SPTBN1: variants seen among roughly 807,000 people sequenced by gnomAD.
SPTBN1 encodes spectrin beta, non-erythrocytic 1.
Under a neutral mutation model 266.4 loss-of-function variants are expected in SPTBN1, and 32 were observed. The ratio of observed to expected loss-of-function variants is 0.12; its 90% CI spans 0.09 to 0.16. SPTBN1 has a LOEUF of 0.16. Among genes scored for constraint, SPTBN1 ranks in the 10% least tolerant of loss-of-function variants. The pLI is 1.00. For missense variants in SPTBN1, 2,296 were observed against 3,067.1 expected (o/e 0.75, Z 5.94); for synonymous variants, 1,336 against 1,162.2 (o/e 1.15, Z -3.04).
At chr2:54,463,634 G>T (rs1255659625) in intron 1 of SPTBN1, among the ~76,000 whole-genome samples, 1 of 152,166 alleles carries the variant, frequency 6.6e-6, no homozygotes, top group East Asian at 1.9e-4. Flanking sequence ...AGCCAAATGA[G>T]GTAATTCAGC....
chr2:54,581,896 G>A (rs552031119), intron 2 of SPTBN1, among the ~76,000 whole-genome samples: 21 of 151,998 alleles, frequency 1.4e-4, no homozygotes, highest in Non-Finnish European at 2.1e-4. Context: ...GGCTCTACTT[G>A]CCTCCAAATC....
chr2:54,504,098 A>G (rs183741680), intron 1 of SPTBN1, among the ~76,000 whole-genome samples: 1 of 152,208 alleles, frequency 6.6e-6, no homozygotes, highest in Non-Finnish European at 1.5e-5. Flanking sequence ...GACTTGTTCA[A>G]ATCTCCGTTA....
chr2:54,572,055 T>C (rs1471409655), intron 2 of SPTBN1, among the ~76,000 whole-genome samples: 2 of 149,914 alleles, frequency 1.3e-5, no homozygotes, highest in Non-Finnish European at 3.0e-5. Context: ...GGAACTCTTG[T>C]GGTTGGACTC....
In SPTBN1 at chr2:54,557,747, C is replaced by CA. The variant is rs1055987692; in HGVS notation, c.148+31181_148+31182insA. 3.6e-5 allele frequency: 35 copies of CA among 985,276 alleles called. No homozygotes were observed. The African/African-American group carries it at 6.1e-4, about 17-fold the overall frequency. The allele number at this position is 985,276 out of a possible 1,614,324, so 61.0% of individuals were successfully genotyped here. ...TTGCGTCGAATTCCTATCATAGGCC[C>CA]GTGTTATTCCAGGAAACCACCGCCT... On this transcript the variant is annotated intron_variant, in intron 2 of 35. Coordinates refer to ENST00000356805, the MANE Select transcript of SPTBN1 (RefSeq NM_003128.3).
chr2:54,606,980 A>G (rs1573516523), intron 3 of SPTBN1, among the ~76,000 whole-genome samples: 2 of 152,204 alleles, frequency 1.3e-5, no homozygotes, highest in East Asian at 3.8e-4. Flanking sequence ...TTTTGATGCA[A>G]CCTGGCATTG....
At chr2:54,661,654 A>G (rs1460995076) in intron 32 of SPTBN1, 7 of 985,858 alleles carry the variant, frequency 7.1e-6, no homozygotes, top group Non-Finnish European at 8.4e-6. Context: ...GTCTTTGGTC[A>G]TTAGGGAGCT....
chr2:54,534,674 T>C (rs953050164), intron 2 of SPTBN1, among the ~76,000 whole-genome samples: 1 of 152,226 alleles, frequency 6.6e-6, no homozygotes, highest in Admixed American at 6.5e-5. Context: ...ACCCAGTTTC[T>C]CCCCTGCTTC....
In SPTBN1 at chr2:54,631,128, C is replaced by T. The variant is rs371869326; in HGVS notation, c.3081C>T (p.Pro1027=). The T allele has an allele frequency of 8.1e-6, 13 of 1,614,090 alleles. No homozygotes were observed. The highest frequency in any genetic ancestry group is 6.7e-5 in the African/African-American group (5 of 74,942). ...KEAEKLESEH[P]DQAQAILSRL... ...CGGAGAAGCTGGAGTCCGAGCACCCCGACCAGGCCCAGGCCATCCTGTCTC... is the reference window on the plus strand; with the variant it reads ...CGGAGAAGCTGGAGTCCGAGCACCCTGACCAGGCCCAGGCCATCCTGTCTC... The change falls in exon 16 of 36, where the codon CCC becomes CCT. Residue 1027 remains proline, a synonymous_variant. Transcript: ENST00000356805.
rs1678625440 is a variant in SPTBN1, at chr2:54,629,986, A to G, written c.2764A>G (p.Ser922Gly). 1.2e-5 allele frequency: 19 copies of G among 1,614,024 alleles called. No homozygotes were observed. The highest frequency in any genetic ancestry group is 1.6e-5 in the Non-Finnish European group (19 of 1,180,032). The change falls in exon 15 of 36, where the codon AGT becomes GGT. Residue 922 changes from serine (S) to glycine (G), a missense_variant. By Grantham distance (56) the Ser-to-Gly change is moderately conservative (BLOSUM62 0). This residue lies in a region of SPTBN1 where 128 missense variants were observed against 176.5 expected (regional missense o/e 0.73). Transcript: ENST00000356805. ...CCAGCTGATGCACAGCGGCCACCCA[A>G]GTGAGAAGGAAATCAAAGCCCAGCA... ...ARQLMHSGHP[S>G]EKEIKAQQDK...
intron 2 of SPTBN1, among the ~76,000 whole-genome samples, chr2:54,548,463 T>C (rs1319629174): frequency 6.6e-6 from 1 of 152,194 alleles, no homozygotes; most frequent in Non-Finnish European, 1.5e-5. Context: ...GACAGGCCTT[T>C]TGGCTCCACC....
At chr2:54,537,149 T>C (rs905088994) in intron 2 of SPTBN1, among the ~76,000 whole-genome samples, 3 of 152,246 alleles carry the variant, frequency 2.0e-5, no homozygotes, top group East Asian at 1.9e-4. Flanking sequence ...ATATTTCCGA[T>C]GGGCCATGCG....
At chr2:54,563,150 A>G (rs1233399926) in intron 2 of SPTBN1, among the ~76,000 whole-genome samples, 1 of 152,150 alleles carries the variant, frequency 6.6e-6, no homozygotes, top group Non-Finnish European at 1.5e-5. Flanking sequence ...ATTTATATAT[A>G]TATTTTCTTT....
Position 54,659,928 on chromosome 2 carries a change from C to G in SPTBN1, c.6357-8C>G, listed in dbSNP as rs777806723. 4 of 1,613,498 alleles carry G rather than the reference C, an allele frequency of 2.5e-6. No individual in the cohort carries two copies. Among genetic ancestry groups the G allele is most frequent in the Admixed American group, 1.7e-5 (1 of 60,008 alleles). ...TTCCCTTCCTCCTTTTCCCCTCTTC[C>G]CTAACAGGGATACTTCAAAAGGAGA... On this transcript the variant is annotated splice_region_variant and splice_polypyrimidine_tract_variant and intron_variant, in intron 31 of 35. Coordinates refer to ENST00000356805, the MANE Select transcript of SPTBN1 (RefSeq NM_003128.3).
At position 54,629,540 on chromosome 2, in the gene SPTBN1, G is replaced by A. The variant is rs147294273; in HGVS notation, c.2406G>A (p.Thr802=). Residue 802 remains threonine (T), a synonymous_variant, in exon 14 of 36, where the codon ACG becomes ACA. Coordinates refer to ENST00000356805, the MANE Select transcript of SPTBN1 (RefSeq NM_003128.3). ...EIANYRPTLD[T]LHEQASALPQ... ...CCAATTACAGGCCCACCCTTGACAC[G>A]CTGCACGAACAAGCCAGCGCCCTCC... The A allele has an allele frequency of 2.8e-5, 45 of 1,613,986 alleles. No homozygotes were observed. The highest frequency in any genetic ancestry group is 5.0e-5 in the Admixed American group (3 of 60,010).
intron 1 of SPTBN1, among the ~76,000 whole-genome samples, chr2:54,523,574 A>G (rs1233104765): frequency 2.0e-5 from 3 of 152,206 alleles, no homozygotes; most frequent in East Asian, 3.8e-4. Context: ...AATTTGTTTC[A>G]GCTTATTTAC....
intron 17 of SPTBN1, among the ~76,000 whole-genome samples, chr2:54,635,445 T>C: frequency 6.6e-6 from 1 of 152,244 alleles, no homozygotes. Flanking sequence ...CATGTGACTC[T>C]AAATCCTTGC....
At chr2:54,617,369 A>G (rs1677675365) in intron 5 of SPTBN1, among the ~76,000 whole-genome samples, 1 of 152,220 alleles carries the variant, frequency 6.6e-6, no homozygotes, top group South Asian at 2.1e-4. Flanking sequence ...GACACAGTTC[A>G]CATCTTTTGT....
rs1287585557 is a variant in SPTBN1, at chr2:54,621,432, A to G, written c.796A>G (p.Ile266Val). 4 of 1,614,142 alleles carry G rather than the reference A, an allele frequency of 2.5e-6. No individual in the cohort carries two copies. Among genetic ancestry groups the G allele is most frequent in the Non-Finnish European group, 2.5e-6 (3 of 1,179,964 alleles). Residue 266 changes from isoleucine (I) to valine (V), a missense_variant, in exon 8 of 36, where the codon ATA becomes GTA. By Grantham distance (29) the Ile-to-Val change is conservative. This residue lies in a region of SPTBN1 where 178 missense variants were observed against 375.7 expected (regional missense o/e 0.47). Transcript: ENST00000356805. ...CGTGGACCATCCTGATGAGAAGTCC[A>G]TAATCACTTATGTGGTGACTTATTA... ...ISVDHPDEKS[I>V]ITYVVTYYHY...
chr2:54,485,916 G>A (rs1668350313), intron 1 of SPTBN1, among the ~76,000 whole-genome samples: 1 of 150,286 alleles, frequency 6.7e-6, no homozygotes, highest in Non-Finnish European at 1.5e-5. Context: ...TCTCTGCCCG[G>A]CCGCCCCGTC....
Sources: gnomAD v4.1 joint callset for allele counts (sites outside exome capture counted in the v4.1 genomes callset) on GRCh38, gnomAD v4.1.1 for gene constraint, gnomAD v4.1.1 regional missense constraint, MANE v1.5 for transcripts, NCBI Gene and HGNC (gene_info 2026-07-23, HGNC 2026-07-21) for gene names.